The following TAOK3 variants were observed in gnomAD, a reference collection of about 807,000 sequenced individuals.
TAOK3 encodes serine/threonine-protein kinase TAO3.
In TAOK3, 40 loss-of-function variants were observed where a neutral mutation model predicts 120.4. The ratio of observed to expected loss-of-function variants is 0.33; its 90% CI spans 0.26 to 0.43. The LOEUF is 0.43. Among genes scored for constraint, TAOK3 ranks in the 20% least tolerant of loss-of-function variants. The probability of loss-of-function intolerance (pLI) is 1.00; values close to 1 mark genes in which losing one functional copy is unlikely to be tolerated. For synonymous variants in TAOK3, 355 were observed against 387.5 expected, an observed-to-expected ratio of 0.92 and a Z score of 0.99; for missense variants, 821 against 1,112.1, an observed-to-expected ratio of 0.74 and a Z score of 3.72.
intron 2 of TAOK3, among the ~76,000 whole-genome samples, chr12:118,263,822 T>C (rs1385013303): frequency 6.6e-6 from 1 of 152,102 alleles, no homozygotes; most frequent in Non-Finnish European, 1.5e-5. Flanking sequence ...TCCCAGCACT[T>C]TGGGAGGCGG....
At chr12:118,267,048 G>A (rs1163094581) in intron 1 of TAOK3, among the ~76,000 whole-genome samples, 1 of 152,184 alleles carries the variant, frequency 6.6e-6, no homozygotes, top group Non-Finnish European at 1.5e-5. Flanking sequence ...ATTACCAGTA[G>A]ACAGCACTAA....
At chr12:118,290,230 T>C (rs1211529402) in intron 1 of TAOK3, among the ~76,000 whole-genome samples, 2 of 152,196 alleles carry the variant, frequency 1.3e-5, no homozygotes, top group Admixed American at 1.3e-4. Context: ...TCCTCTGCGA[T>C]CTGCTCCTTG....
chr12:118,199,482 A>G, intron 12 of TAOK3: 1 of 565,924 alleles, frequency 1.8e-6, no homozygotes, highest in Non-Finnish European at 3.2e-6. Context: ...CGTGGGTCAT[A>G]AGGCTCCAAA....
chr12:118,199,719 T>A, intron 12 of TAOK3: 1 of 181,158 alleles, frequency 5.5e-6, no homozygotes. Context: ...ACAAGCAATA[T>A]GCTCCCTCTG....
chr12:118,205,244 A>ATAG (rs1248335320), intron 11 of TAOK3, among the ~76,000 whole-genome samples: 3 of 150,098 alleles, frequency 2.0e-5, no homozygotes, highest in African/African-American at 7.4e-5. Context: ...GTGCCCGCCT[A>ATAG]TAGTCCCAGG....
At chr12:118,351,964 C>G (rs1268091305) in intron 1 of TAOK3, among the ~76,000 whole-genome samples, 1 of 150,528 alleles carries the variant, frequency 6.6e-6, no homozygotes, top group African/African-American at 2.4e-5. Flanking sequence ...AGCTCCGCCT[C>G]CCGGGTTCAT....
intron 1 of TAOK3, among the ~76,000 whole-genome samples, chr12:118,300,342 A>T (rs1209431040): frequency 6.6e-6 from 1 of 152,198 alleles, no homozygotes; most frequent in Non-Finnish European, 1.5e-5. Flanking sequence ...ATCGCACTGA[A>T]TTTGCATCTG....
intron 1 of TAOK3, among the ~76,000 whole-genome samples, chr12:118,336,792 C>G (rs2044384520): frequency 6.6e-6 from 1 of 152,154 alleles, no homozygotes; most frequent in South Asian, 2.1e-4. Flanking sequence ...GGCAAAGAGG[C>G]TGGGGGCAGT....
chr12:118,340,648 C>T (rs926346056), intron 1 of TAOK3, among the ~76,000 whole-genome samples: 8 of 151,924 alleles, frequency 5.3e-5, no homozygotes, highest in African/African-American at 1.9e-4. Flanking sequence ...CTGCCTCATA[C>T]CCAGCTTTAA....
At position 118,177,445 on chromosome 12, in the gene TAOK3, A is replaced by C. The variant is rs143960147; in HGVS notation, c.1567-116T>G. The C allele has an allele frequency of 9.7e-3, 6,327 of 652,562 alleles. 220 individuals carry two copies. The highest frequency in any genetic ancestry group is 0.072 in the East Asian group (2,365 of 32,826). The allele number at this position is 652,562 out of a possible 1,614,324, so 40.4% of individuals were successfully genotyped here. A position where few individuals can be genotyped will look rare whatever the true frequency, so the allele number is the denominator to read the frequency against. ...GAGTGCTAATAATGAGACATTTTTG[A>C]ACAAATATTAAAAAATAATTGTTTT... On this transcript the variant is annotated intron_variant, in intron 15 of 20. Transcript: ENST00000392533.
chr12:118,324,821 T>C (rs1041644078), intron 1 of TAOK3, among the ~76,000 whole-genome samples: 2 of 139,298 alleles, frequency 1.4e-5, no homozygotes, highest in East Asian at 4.7e-4. Context: ...CTCGGCTCAC[T>C]GCAATTTCTG....
At chr12:118,221,179 G>T (rs976584843) in intron 9 of TAOK3, among the ~76,000 whole-genome samples, 2 of 152,176 alleles carry the variant, frequency 1.3e-5, no homozygotes, top group Admixed American at 1.3e-4. Flanking sequence ...GTCCCTCACA[G>T]AAAGTTTGTC....
At chr12:118,355,991 T>C (rs1034161039) in intron 1 of TAOK3, among the ~76,000 whole-genome samples, 1 of 152,130 alleles carries the variant, frequency 6.6e-6, no homozygotes, top group Non-Finnish European at 1.5e-5. Flanking sequence ...ATCCTGCCAA[T>C]CCCAAACCTA....
chr12:118,238,954 TG>T (rs1367136176), intron 6 of TAOK3, among the ~76,000 whole-genome samples: 23 of 152,242 alleles, frequency 1.5e-4, no homozygotes, highest in African/African-American at 5.5e-4. Context: ...ATGAATATGA[TG>T]TTTTTGGCTA....
intron 1 of TAOK3, among the ~76,000 whole-genome samples, chr12:118,328,703 T>A (rs2044029199): frequency 6.6e-6 from 1 of 152,228 alleles, no homozygotes; most frequent in Non-Finnish European, 1.5e-5. Context: ...CAAGTGGAAG[T>A]GGGATCTCTT....
intron 2 of TAOK3, among the ~76,000 whole-genome samples, chr12:118,256,681 T>TAC (rs1316326384): frequency 1.3e-5 from 2 of 152,180 alleles, no homozygotes; most frequent in Non-Finnish European, 2.9e-5. Context: ...ATTCCATATA[T>TAC]ACACACACAC....
intron 9 of TAOK3, among the ~76,000 whole-genome samples, chr12:118,222,513 T>C (rs917947725): frequency 6.7e-6 from 1 of 149,262 alleles, no homozygotes; most frequent in African/African-American, 2.5e-5. Context: ...AGCCTGGCGA[T>C]GGAGTGAGAC....
At chr12:118,268,861 A>G (rs1026180799) in intron 1 of TAOK3, among the ~76,000 whole-genome samples, 6 of 152,040 alleles carry the variant, frequency 3.9e-5, no homozygotes, top group Non-Finnish European at 8.8e-5. Flanking sequence ...ATACAAAATT[A>G]GCCGGGTGTG....
intron 1 of TAOK3, among the ~76,000 whole-genome samples, chr12:118,281,404 AC>A (rs1347481967): frequency 6.6e-6 from 1 of 152,206 alleles, no homozygotes; most frequent in Non-Finnish European, 1.5e-5. Flanking sequence ...GCCTATGGAC[AC>A]CTTCTCAGAA....
Sources: allele counts gnomAD v4.1 joint callset (sites outside exome capture counted in the v4.1 genomes callset), GRCh38; gene constraint gnomAD v4.1.1; transcripts MANE v1.5; gene names NCBI Gene and HGNC (gene_info 2026-07-23, HGNC 2026-07-21).